NAALADL2: variants seen among roughly 807,000 people sequenced by gnomAD.
NAALADL2 encodes N-acetylated alpha-linked acidic dipeptidase like 2, also known as inactive N-acetylated-alpha-linked acidic dipeptidase-like protein 2.
NAALADL2 carries 76 observed loss-of-function variants against 87.2 expected under a neutral mutation model. That is an observed-to-expected ratio of 0.87 (90% CI 0.72 to 1.05). The LOEUF (loss-of-function observed/expected upper bound fraction) is 1.05. Ranked by LOEUF, NAALADL2 falls within the 50% of genes least tolerant of loss-of-function variation. The pLI is 0.00. For missense variants in NAALADL2, 1,089 were observed against 945.8 expected, an observed-to-expected ratio of 1.15 and a Z score of -1.99; for synonymous variants, 354 against 331.0, an observed-to-expected ratio of 1.07 and a Z score of -0.75.
intron 13 of NAALADL2, among the ~76,000 whole-genome samples, chr3:175,794,070 G>A (rs1753156360): frequency 6.6e-6 from 1 of 152,142 alleles, no homozygotes; most frequent in African/African-American, 2.4e-5. Flanking sequence ...ATTACTGTTT[G>A]CCAGAGGTAA....
intron 1 of NAALADL2, among the ~76,000 whole-genome samples, chr3:174,491,790 A>G (rs565907319): frequency 2.6e-5 from 4 of 152,158 alleles, no homozygotes; most frequent in Admixed American, 1.3e-4. Context: ...TTGTCTATCA[A>G]CGTTTTCCCA....
chr3:174,827,758 G>A (rs933772440), intron 3 of NAALADL2, among the ~76,000 whole-genome samples: 1 of 152,160 alleles, frequency 6.6e-6, no homozygotes, highest in Non-Finnish European at 1.5e-5. Flanking sequence ...AGATTTACTG[G>A]AGATTAAGCT....
intron 3 of NAALADL2, among the ~76,000 whole-genome samples, chr3:174,829,209 C>A: frequency 6.6e-6 from 1 of 151,718 alleles, no homozygotes. Context: ...TGGTGCGCTG[C>A]ACCCACTAAC....
intron 12 of NAALADL2, among the ~76,000 whole-genome samples, chr3:175,753,866 C>T (rs1248888898): frequency 6.6e-6 from 1 of 152,166 alleles, no homozygotes; most frequent in Admixed American, 6.5e-5. Flanking sequence ...ATCTGTCTGT[C>T]TCAATATCAT....
chr3:175,218,016 A>G, intron 2 of NAALADL2: 1 of 392,324 alleles, frequency 2.5e-6, no homozygotes, highest in South Asian at 2.0e-5. Context: ...GTATAGCCTG[A>G]CCAAATTTCT....
chr3:174,602,508 C>A (rs945046366), intron 2 of NAALADL2, among the ~76,000 whole-genome samples: 1 of 151,488 alleles, frequency 6.6e-6, no homozygotes, highest in African/African-American at 2.4e-5. Context: ...TAATAGTTTT[C>A]TTGTGGAGTC....
At position 175,062,192 on chromosome 3, in the gene NAALADL2, A is replaced by G. The variant is rs193076237; in HGVS notation, c.44-34598A>G. ...TTACTATTTGGGTGAGGTAATAGAG[A>G]CAGCAACTTAATCTTGAAGGAAAAC... On this transcript the variant is annotated intron_variant, in intron 1 of 13. Transcript: ENST00000454872. Among the ~76,000 whole-genome samples the G allele has an allele frequency of 1.3e-4, 20 of 152,278 alleles. No homozygotes were observed. In the East Asian group the frequency reaches 3.9e-3, roughly 29 times the overall value.
intron 5 of NAALADL2, among the ~76,000 whole-genome samples, chr3:175,442,005 A>G (rs1719858642): frequency 6.6e-6 from 1 of 151,976 alleles, no homozygotes; most frequent in Non-Finnish European, 1.5e-5. Context: ...GCAGTGGTGC[A>G]ATCTCAGCTC....
At chr3:175,602,331 G>A (rs1560831644) in intron 10 of NAALADL2, among the ~76,000 whole-genome samples, 1 of 151,922 alleles carries the variant, frequency 6.6e-6, no homozygotes, top group Non-Finnish European at 1.5e-5. Flanking sequence ...TAAAACATTT[G>A]TTGAATGCAT....
intron 3 of NAALADL2, among the ~76,000 whole-genome samples, chr3:174,846,614 A>AT (rs1189097410): frequency 6.6e-6 from 1 of 152,210 alleles, no homozygotes; most frequent in Non-Finnish European, 1.5e-5. Context: ...CTTTTAAAAA[A>AT]CAAACATATA....
intron 1 of NAALADL2, among the ~76,000 whole-genome samples, chr3:174,472,384 C>T (rs1484105526): frequency 6.6e-6 from 1 of 152,142 alleles, no homozygotes; most frequent in Non-Finnish European, 1.5e-5. Context: ...GCCATGAGTG[C>T]TTGAAGAAAG....
At position 175,079,174 on chromosome 3, in the gene NAALADL2, T is replaced by C. The variant is rs536465492; in HGVS notation, c.44-17616T>C. 2.6e-5 allele frequency: 4 copies of C among 152,338 alleles called. No individual in the cohort carries two copies. In the South Asian group the frequency reaches 8.3e-4, roughly 32 times the overall value. The allele number at this position is 152,338 out of a possible 1,614,324, so 9.4% of individuals were successfully genotyped here. A position where few individuals can be genotyped will look rare whatever the true frequency, so the allele number is the denominator to read the frequency against. On this transcript the variant is annotated intron_variant, in intron 1 of 13. Coordinates refer to ENST00000454872, the MANE Select transcript of NAALADL2 (RefSeq NM_207015.3). ...GTGGTTTTTACTTGTGTTTTCCTAA[T>C]GATTAATGCTATTTAGTTTCTTTCC...
At chr3:174,998,442 A>G (rs1747820156) in intron 1 of NAALADL2, among the ~76,000 whole-genome samples, 1 of 152,222 alleles carries the variant, frequency 6.6e-6, no homozygotes, top group African/African-American at 2.4e-5. Flanking sequence ...GACTCCCTCA[A>G]GGGTCTGCAG....
At chr3:175,463,724 G>GAGAGAGAGAGAC (rs1553901948) in intron 7 of NAALADL2, among the ~76,000 whole-genome samples, 3,800 of 148,182 alleles carry the variant, frequency 0.026, 176 homozygotes, top group African/African-American at 0.09. Flanking sequence ...GAGAGAGAGA[G>GAGAGAGAGAGAC]AGAGAGAGAG....
At chr3:175,621,272 G>C (rs1349738569) in intron 10 of NAALADL2, among the ~76,000 whole-genome samples, 1 of 152,164 alleles carries the variant, frequency 6.6e-6, no homozygotes, top group Non-Finnish European at 1.5e-5. Flanking sequence ...TCCTAAGAGA[G>C]GGAGAGAAAG....
intron 11 of NAALADL2, among the ~76,000 whole-genome samples, chr3:175,700,841 G>GA (rs35551912): frequency 2.0e-5 from 3 of 151,950 alleles, no homozygotes; most frequent in Admixed American, 6.6e-5. Context: ...ACTTATCATG[G>GA]AAAAAAATCC....
At chr3:174,744,687 A>T in intron 3 of NAALADL2, among the ~76,000 whole-genome samples, 1 of 152,154 alleles carries the variant, frequency 6.6e-6, no homozygotes, top group African/African-American at 2.4e-5. Flanking sequence ...AAAATTGATC[A>T]CATAATTGGA....
At chr3:175,535,133 T>C (rs1168984757) in intron 9 of NAALADL2, among the ~76,000 whole-genome samples, 1 of 152,146 alleles carries the variant, frequency 6.6e-6, no homozygotes, top group Non-Finnish European at 1.5e-5. Context: ...CTATGTAATA[T>C]AGAAATAACA....
intron 3 of NAALADL2, among the ~76,000 whole-genome samples, chr3:174,769,396 TTGAG>T (rs1410296313): frequency 3.3e-5 from 5 of 152,040 alleles, no homozygotes; most frequent in African/African-American, 9.6e-5. Flanking sequence ...CCTGTGTTGT[TTGAG>T]TGAGGTGAGG....
Sources: allele counts gnomAD v4.1 joint callset (sites outside exome capture counted in the v4.1 genomes callset), GRCh38; gene constraint gnomAD v4.1.1; transcripts MANE v1.5; gene names NCBI Gene and HGNC (gene_info 2026-07-23, HGNC 2026-07-21).